Variants in DNHD1 observed in about 807,000 individuals in gnomAD.
DNHD1 encodes dynein heavy chain domain 1, also known as dynein heavy chain domain-containing protein 1.
DNHD1 carries 383 observed loss-of-function variants against 458.1 expected under a neutral mutation model. The observed-to-expected ratio is 0.84, with a 90% CI of 0.77 to 0.91. The LOEUF (loss-of-function observed/expected upper bound fraction) is 0.91, where lower values mean the gene tolerates loss of function less well. Among genes scored for constraint, DNHD1 ranks in the 40% least tolerant of loss-of-function variants. DNHD1 has a pLI of 0.00. For synonymous variants in DNHD1, 2,203 were observed against 2,376.9 expected (o/e 0.93, Z 2.13); for missense variants, 5,336 against 5,866.1 (o/e 0.91, Z 2.95).
At chr11:6,517,209 A>G (rs958271012) in intron 7 of DNHD1, among the ~76,000 whole-genome samples, 1 of 152,232 alleles carries the variant, frequency 6.6e-6, no homozygotes, top group African/African-American at 2.4e-5. Context: ...GACTTGATAG[A>G]TGTATACATT....
rs1326374115 is a variant in DNHD1, at chr11:6,528,895, G to A, written c.2121G>A (p.Val707=). Reference sequence around the variant, plus strand: ...GCCCTTAGGGCGTGCTGTGCAAGGTGCAGGAATTCTGCAGGGAACATCATT... The same window carrying A: ...GCCCTTAGGGCGTGCTGTGCAAGGTACAGGAATTCTGCAGGGAACATCATT... ...QVLLEGVLCK[V]QEFCREHHWI... The change falls in exon 12 of 43, where the codon GTG becomes GTA. Residue 707 remains valine, a synonymous_variant. Coordinates refer to ENST00000254579, the MANE Select transcript of DNHD1 (RefSeq NM_144666.3). 7.1e-6 allele frequency: 11 copies of A among 1,551,706 alleles called. No homozygotes were observed. The highest frequency in any genetic ancestry group is 8.7e-6 in the Non-Finnish European group (10 of 1,146,990).
In DNHD1 at chr11:6,538,673, G is replaced by A. The variant is rs767442719; in HGVS notation, c.3188G>A (p.Ser1063Asn). 12 of 1,549,432 alleles carry A rather than the reference G, an allele frequency of 7.7e-6. No homozygotes were observed. The highest frequency in any genetic ancestry group is 1.0e-5 in the Non-Finnish European group (12 of 1,145,468). The change falls in exon 16 of 43, where the codon AGC (serine) becomes AAC (asparagine). Residue 1063 changes from serine (S) to asparagine (N), a missense_variant. By Grantham distance (46) the Ser-to-Asn change is conservative (BLOSUM62 1). This residue lies in a region of DNHD1 where 3,932 missense variants were observed against 4,365.6 expected (regional missense o/e 0.90). Transcript: ENST00000254579. Reference sequence around the variant, plus strand: ...TGGCTGACAGAGGCAGCACGGATGAGCACAACCCTGGAGCTGCACAGCCCC... The same window carrying A: ...TGGCTGACAGAGGCAGCACGGATGAACACAACCCTGGAGCTGCACAGCCCC... Reference protein sequence around the residue: ...EGWLTEAARMSTTLELHSPVL... With the variant: ...EGWLTEAARMNTTLELHSPVL...
At chr11:6,540,713 A>G (rs75011076) in intron 18 of DNHD1, among the ~76,000 whole-genome samples, 3 of 152,334 alleles carry the variant, frequency 2.0e-5, no homozygotes, top group Non-Finnish European at 4.4e-5. Flanking sequence ...GAGTTTGCCA[A>G]ACTTGCCAGG....
At chr11:6,534,677 A>C (rs184018855) in intron 14 of DNHD1, among the ~76,000 whole-genome samples, 55 of 152,288 alleles carry the variant, frequency 3.6e-4, no homozygotes, top group African/African-American at 1.3e-3. Context: ...CAATTCTTTC[A>C]TACAGTGGTG....
chr11:6,524,444 C>G (rs1233844902), intron 10 of DNHD1, among the ~76,000 whole-genome samples: 1 of 152,182 alleles, frequency 6.6e-6, no homozygotes, highest in African/African-American at 2.4e-5. Context: ...ACTTTCTGTT[C>G]CCTTATAACT....
chr11:6,542,251 T>G (rs553461390), intron 18 of DNHD1, among the ~76,000 whole-genome samples: 91 of 152,372 alleles, frequency 6.0e-4, no homozygotes, highest in African/African-American at 2.1e-3. Flanking sequence ...TGCCCATCTC[T>G]GACCCTGGTT....
chr11:6,532,084 T>C (rs1447005303), intron 12 of DNHD1, among the ~76,000 whole-genome samples: 1 of 152,160 alleles, frequency 6.6e-6, no homozygotes, highest in African/African-American at 2.4e-5. Context: ...GGATAAAATA[T>C]AATTAAAGTA....
chr11:6,553,962 A>G (rs1409378476), intron 24 of DNHD1, among the ~76,000 whole-genome samples: 12 of 151,356 alleles, frequency 7.9e-5, no homozygotes, highest in Admixed American at 7.9e-4. Flanking sequence ...ATCTTAACAG[A>G]TTTTTTTTTG....
chr11:6,552,709 T>A (rs892773361), intron 24 of DNHD1, among the ~76,000 whole-genome samples: 3 of 151,960 alleles, frequency 2.0e-5, no homozygotes, highest in African/African-American at 7.3e-5. Context: ...TTGCTCACTA[T>A]CATGAGAACA....
chr11:6,545,483 A>G lies in DNHD1; in HGVS notation c.4544A>G (p.Glu1515Gly). The change falls in exon 21 of 43, where the codon GAG (glutamate) becomes GGG (glycine). Residue 1515 changes from glutamate to glycine, a missense_variant. Physicochemically the swap from Glu to Gly is moderately conservative, Grantham distance 98. Around this residue, in one of 4 missense-constraint regions of DNHD1, gnomAD observed 3,932 missense variants for 4,365.6 expected, o/e 0.90. Coordinates refer to ENST00000254579, the MANE Select transcript of DNHD1 (RefSeq NM_144666.3). The surrounding 1 kb of genome is among the most constrained non-coding windows in gnomAD (Gnocchi z 4.9). The part of the protein sequence containing the change: ...AFPWQCVLVA[E>G]EVVWRAEMEE... The stretch of plus-strand genomic sequence containing the variant: ...CCATGGCAGTGTGTGCTGGTGGCAG[A>G]GGAGGTGGTATGGCGGGCCGAGATG... 6.4e-7 allele frequency: 1 copy of G among 1,551,800 alleles called. No homozygotes were observed. Among genetic ancestry groups the G allele is most frequent in the East Asian group, 2.4e-5 (1 of 40,924 alleles).
chr11:6,547,665 A>T lies in DNHD1; in HGVS notation c.6726A>T (p.Pro2242=). ...LRLKEEKAPG[P]EDLSYSDPVA... ...TAAAGGAGGAGAAGGCCCCTGGCCC[A>T]GGTGGGAAGATGGACGGGCTGGTTT... Residue 2242 remains proline (P), a splice_region_variant and synonymous_variant, in exon 21 of 43, where the codon CCA becomes CCT. Transcript: ENST00000254579. 1.3e-6 allele frequency: 2 copies of T among 1,517,798 alleles called. No individual in the cohort carries two copies. Among genetic ancestry groups the T allele is most frequent in the Non-Finnish European group, 1.8e-6 (2 of 1,126,500 alleles). The allele number at this position is 1,517,798 out of a possible 1,614,324, so 94.0% of individuals were successfully genotyped here.
intron 3 of DNHD1, among the ~76,000 whole-genome samples, chr11:6,499,273 T>C (rs10769694): frequency 0.55 from 83,064 of 152,070 alleles, 23,481 homozygotes; most frequent in African/African-American, 0.65. Context: ...TTAGATGATG[T>C]CAGAAGTCTC....
intron 10 of DNHD1, among the ~76,000 whole-genome samples, chr11:6,525,276 T>G (rs1379704151): frequency 2.6e-5 from 4 of 152,156 alleles, no homozygotes; most frequent in African/African-American, 9.7e-5. Context: ...CATCAAAATC[T>G]GCGTCATCTG....
Position 6,522,315 on chromosome 11 carries a change from C to A in DNHD1, c.1837+2026C>A, listed in dbSNP as rs538982449. Among the ~76,000 whole-genome samples, 11 of 152,068 alleles carry A rather than the reference C, an allele frequency of 7.2e-5. No homozygotes were observed. The East Asian group carries it at 1.7e-3, about 24-fold the overall frequency. ...TGTCTGTTTACTCTGTTGATAGTTT[C>A]TTTTGCTGTGCAGAAGCTCTTACGT... is the stretch of plus-strand genomic sequence containing the variant. On this transcript the variant is annotated intron_variant, in intron 10 of 42. Transcript: ENST00000254579.
Position 6,563,986 on chromosome 11 carries a change from T to A in DNHD1, c.10146T>A (p.Ala3382=). Residue 3382 remains alanine (A), a synonymous_variant, in exon 31 of 43, where the codon GCT becomes GCA. Transcript: ENST00000254579. Reference sequence around the variant, plus strand: ...CCCTGGAGCATAATTTGGCCCTGGCTAAGATGGTGGAGGATGCCCAAGCTT... The same window carrying A: ...CCCTGGAGCATAATTTGGCCCTGGCAAAGATGGTGGAGGATGCCCAAGCTT... ...QETLEHNLAL[A]KMVEDAQASH... The A allele has an allele frequency of 6.4e-7, 1 of 1,551,732 alleles. No homozygotes were observed. Among genetic ancestry groups the A allele is most frequent in the Non-Finnish European group, 8.7e-7 (1 of 1,146,992 alleles).
rs903169942 is a variant in DNHD1, at chr11:6,558,566, C to T, written c.9084C>T (p.Thr3028=). 26 of 1,551,646 alleles carry T rather than the reference C, an allele frequency of 1.7e-5. No homozygotes were observed. In the Middle Eastern group the frequency reaches 5.0e-4, roughly 30 times the overall value. The change falls in exon 26 of 43, where the codon ACC becomes ACT. Residue 3028 remains threonine (T), a synonymous_variant. Coordinates refer to ENST00000254579, the MANE Select transcript of DNHD1 (RefSeq NM_144666.3). ...DKQAHKQLPS[T]LFLRLLQLAT... ...AGGCCCACAAGCAGCTGCCCTCCACCCTTTTCCTGAGGCTCCTTCAACTGG... is the reference window on the plus strand; with the variant it reads ...AGGCCCACAAGCAGCTGCCCTCCACTCTTTTCCTGAGGCTCCTTCAACTGG...
At position 6,545,141 on chromosome 11, in the gene DNHD1, C is replaced by G; in HGVS notation, c.4202C>G (p.Thr1401Ser). Residue 1401 changes from threonine to serine, a missense_variant, in exon 21 of 43, where the codon ACT (threonine) becomes AGT (serine). Transcript: ENST00000254579. This position sits in a 1 kb window ranked among gnomAD's most constrained non-coding sequence, Gnocchi z 4.9. ...VHAVSFRSCPTGEKNTDDWES... is the reference protein window; with the variant it reads ...VHAVSFRSCPSGEKNTDDWES... ...GCTGTGAGCTTCAGGTCTTGCCCAA[C>G]TGGTGAGAAAAACACAGATGACTGG... 1 of 1,552,156 alleles carries G rather than the reference C, an allele frequency of 6.4e-7. No individual in the cohort carries two copies. The highest frequency in any genetic ancestry group is 1.7e-4 in the Middle Eastern group (1 of 5,998).
chr11:6,561,083 T>C (rs1298110806), intron 28 of DNHD1, among the ~76,000 whole-genome samples: 1 of 152,166 alleles, frequency 6.6e-6, no homozygotes, highest in Non-Finnish European at 1.5e-5. Flanking sequence ...AACAAGATCT[T>C]ACATGTCAAG....
chr11:6,506,524 G>A (rs1278630282), intron 4 of DNHD1, among the ~76,000 whole-genome samples: 1 of 152,026 alleles, frequency 6.6e-6, no homozygotes, highest in African/African-American at 2.4e-5. Context: ...TCTTTCACTT[G>A]CTGTTTCATT....
Sources: allele counts gnomAD v4.1 joint callset (sites outside exome capture counted in the v4.1 genomes callset), GRCh38; gene constraint gnomAD v4.1.1; regional missense constraint gnomAD v4.1.1; non-coding constraint Gnocchi (gnomAD v3.1); transcripts MANE v1.5; gene names NCBI Gene and HGNC (gene_info 2026-07-23, HGNC 2026-07-21).